CEP85L: variants seen among roughly 807,000 people sequenced by gnomAD.
CEP85L encodes centrosomal protein 85L, also known as centrosomal protein of 85 kDa-like.
In CEP85L, 60 loss-of-function variants were observed where a neutral mutation model predicts 100.3. The ratio of observed to expected loss-of-function variants is 0.60; its 90% CI spans 0.49 to 0.74. The LOEUF (loss-of-function observed/expected upper bound fraction) is 0.74, where lower values mean the gene tolerates loss of function less well. CEP85L is among the 30% of genes least tolerant of loss of function. CEP85L has a pLI of 0.00. For missense variants in CEP85L, 973 were observed against 936.2 expected (o/e 1.04, Z -0.51); for synonymous variants, 319 against 322.7 (o/e 0.99, Z 0.12).
At chr6:118,659,129 C>T (rs748102270) in intron 1 of CEP85L, among the ~76,000 whole-genome samples, 1 of 152,088 alleles carries the variant, frequency 6.6e-6, no homozygotes, top group Admixed American at 6.5e-5. Flanking sequence ...ATGTTCTATG[C>T]ACCTTGAATC....
chr6:118,670,356 A>G (rs1222654827), intron 1 of CEP85L, among the ~76,000 whole-genome samples: 1 of 151,932 alleles, frequency 6.6e-6, no homozygotes, highest in African/African-American at 2.4e-5. Context: ...CCTGATAGAT[A>G]GTTTTTCGAT....
At position 118,651,377 on chromosome 6, in the gene CEP85L, G is replaced by A. The variant is rs2115387098; in HGVS notation, c.-108C>T. 3.7e-6 allele frequency: 5 copies of A among 1,364,216 alleles called. No individual in the cohort carries two copies. The highest frequency in any genetic ancestry group is 4.0e-4 in the Middle Eastern group (2 of 5,062). The allele number at this position is 1,364,216 out of a possible 1,614,324, so 84.5% of individuals were successfully genotyped here. On this transcript the variant is annotated 5_prime_UTR_variant, in exon 1 of 13. Transcript: ENST00000368491. ...CGGAGCGTGGGCCTCGGCGACACGG[G>A]CAGGAGGAAAGGCGGGATGGCTGGT... is the stretch of plus-strand genomic sequence containing the variant.
chr6:118,465,091 A>T lies in CEP85L; in HGVS notation c.*314T>A, dbSNP rs1373422713. 2 of 250,072 alleles carry T rather than the reference A, an allele frequency of 8.0e-6. No homozygotes were observed. Among genetic ancestry groups the T allele is most frequent in the South Asian group, 1.4e-4 (2 of 13,836 alleles). The allele number at this position is 250,072 out of a possible 1,614,324, so 15.5% of individuals were successfully genotyped here. A position where few individuals can be genotyped will look rare whatever the true frequency, so the allele number is the denominator to read the frequency against. On this transcript the variant is annotated 3_prime_UTR_variant, in exon 13 of 13. Coordinates refer to ENST00000368491, the MANE Select transcript of CEP85L (RefSeq NM_001042475.3). ...ACAAACACACAAAGCTATAGGATTA[A>T]AAGGAATCCTACTCCTTCATGTGAA...
At chr6:118,613,881 C>G (rs1447382071) in intron 2 of CEP85L, among the ~76,000 whole-genome samples, 1 of 151,900 alleles carries the variant, frequency 6.6e-6, no homozygotes, top group Non-Finnish European at 1.5e-5. Context: ...TTTCCCCATT[C>G]ATTTATAAAG....
Position 118,483,722 on chromosome 6 carries a change from T to G in CEP85L, c.1574A>C (p.Gln525Pro). The change falls in exon 7 of 13, where the codon CAG becomes CCG. Residue 525 changes from glutamine to proline, a missense_variant. Around this residue, in one of 3 missense-constraint regions of CEP85L, gnomAD observed 890 missense variants for 844.5 expected, o/e 1.05. Coordinates refer to ENST00000368491, the MANE Select transcript of CEP85L (RefSeq NM_001042475.3). ...LADLPTLDDV[Q>P]SQSLQLQILE... is the part of the protein sequence containing the mutation. ...TCATGTTACCTGTAGACTCTGACTC[T>G]GTACATCATCTAGAGTTGGAAGATC... The G allele has an allele frequency of 6.2e-7, 1 of 1,613,290 alleles. No homozygotes were observed. Among genetic ancestry groups the G allele is most frequent in the Non-Finnish European group, 8.5e-7 (1 of 1,179,666 alleles).
intron 3 of CEP85L, among the ~76,000 whole-genome samples, chr6:118,558,622 CACAT>C (rs1300881947): frequency 3.8e-4 from 23 of 61,192 alleles, no homozygotes; most frequent in Admixed American, 9.4e-4. Flanking sequence ...GAAACACGTG[CACAT>C]ACACACACAC....
chr6:118,651,713 C>CG, upstream of CEP85L: 1 of 266,464 alleles, frequency 3.8e-6, no homozygotes, highest in Middle Eastern at 1.7e-3. Context: ...GCGGGGACTG[C>CG]GGGGGGCGGG....
At chr6:118,600,044 T>C (rs1206619257) in intron 2 of CEP85L, among the ~76,000 whole-genome samples, 1 of 151,742 alleles carries the variant, frequency 6.6e-6, no homozygotes, top group Non-Finnish European at 1.5e-5. Flanking sequence ...GGTTAAAAAA[T>C]AAATGTGTAC....
intron 3 of CEP85L, among the ~76,000 whole-genome samples, chr6:118,542,626 G>T (rs12206329): frequency 0.46 from 70,331 of 151,458 alleles, 16,814 homozygotes; most frequent in Middle Eastern, 0.58. Context: ...GGTAGAGAGA[G>T]GACAAAAAAA....
At position 118,565,676 on chromosome 6, in the gene CEP85L, C is replaced by T. The variant is rs201606062; in HGVS notation, c.873G>A (p.Gln291=). The T allele has an allele frequency of 8.7e-6, 14 of 1,614,174 alleles. No homozygotes were observed. The East Asian group carries it at 3.1e-4, about 36-fold the overall frequency. ...GCCACATCTGAGTCCTTACGGAAGG[C>T]TGAATGGGAACTCCACCTACTGCCT... ...GQQAVGGVPI[Q]PSVRTQMWLT... The change falls in exon 3 of 13, where the codon CAG becomes CAA. Residue 291 remains glutamine, a synonymous_variant. Coordinates refer to ENST00000368491, the MANE Select transcript of CEP85L (RefSeq NM_001042475.3).
intron 1 of CEP85L, among the ~76,000 whole-genome samples, chr6:118,698,826 A>G (rs1777301068): frequency 6.6e-6 from 1 of 152,212 alleles, no homozygotes; most frequent in Non-Finnish European, 1.5e-5. Context: ...AATTTTTTCA[A>G]TGAAGTATAA....
intron 2 of CEP85L, among the ~76,000 whole-genome samples, chr6:118,592,137 C>CTA (rs1353366325): frequency 1.3e-5 from 2 of 152,266 alleles, no homozygotes; most frequent in Admixed American, 1.3e-4. Context: ...GTTTCTCAAT[C>CTA]TAGTGTTACC....
intron 1 of CEP85L, among the ~76,000 whole-genome samples, chr6:118,689,710 G>A (rs1183005750): frequency 6.6e-6 from 1 of 152,132 alleles, no homozygotes; most frequent in East Asian, 1.9e-4. Context: ...CAACCATTTT[G>A]TTTTGGTTTG....
chr6:118,528,393 T>C (rs1412144161), intron 3 of CEP85L, among the ~76,000 whole-genome samples: 1 of 151,998 alleles, frequency 6.6e-6, no homozygotes, highest in Admixed American at 6.5e-5. Flanking sequence ...CAAAACAAAA[T>C]ATGAGAATGT....
At chr6:118,531,677 C>T (rs1220206406) in intron 3 of CEP85L, among the ~76,000 whole-genome samples, 1 of 151,868 alleles carries the variant, frequency 6.6e-6, no homozygotes, top group Non-Finnish European at 1.5e-5. Context: ...CAAAAAACAA[C>T]CCCATTAAAA....
At chr6:118,597,931 T>C (rs1242742277) in intron 2 of CEP85L, among the ~76,000 whole-genome samples, 1 of 152,178 alleles carries the variant, frequency 6.6e-6, no homozygotes, top group South Asian at 2.1e-4. Context: ...AATACCGTAA[T>C]ACTCTATTGA....
chr6:118,605,840 G>A (rs566107502), intron 2 of CEP85L, among the ~76,000 whole-genome samples: 9 of 152,056 alleles, frequency 5.9e-5, no homozygotes, highest in Admixed American at 2.6e-4. Context: ...GTGAAATCCC[G>A]TCTCTACCAA....
intron 1 of CEP85L, among the ~76,000 whole-genome samples, 196 bp downstream of exon 1, chr6:118,651,001 C>G (rs1311573732): frequency 6.6e-6 from 1 of 152,140 alleles, no homozygotes; most frequent in African/African-American, 2.4e-5. Flanking sequence ...GGATGCGGGG[C>G]TGATGCGCCT....
chr6:118,565,775 G>A lies in CEP85L; in HGVS notation c.774C>T (p.Ala258=). The change falls in exon 3 of 13, where the codon GCC becomes GCT. Residue 258 remains alanine, a synonymous_variant. Transcript: ENST00000368491. ...RRQPVDMTYS[A]LPESKPIMTS... Reference sequence around the variant, plus strand: ...TCATAATGGGCTTGCTTTCAGGTAAGGCACTATATGTCATGTCTACAGGCT... The same window carrying A: ...TCATAATGGGCTTGCTTTCAGGTAAAGCACTATATGTCATGTCTACAGGCT... The A allele has an allele frequency of 6.2e-7, 1 of 1,614,156 alleles. No homozygotes were observed. Among genetic ancestry groups the A allele is most frequent in the Admixed American group, 1.7e-5 (1 of 60,018 alleles).
Sources: gnomAD v4.1 joint callset for allele counts (sites outside exome capture counted in the v4.1 genomes callset) on GRCh38, gnomAD v4.1.1 for gene constraint, gnomAD v4.1.1 regional missense constraint, MANE v1.5 for transcripts, NCBI Gene and HGNC (gene_info 2026-07-23, HGNC 2026-07-21) for gene names.